The following DMTN variants were observed in gnomAD, a reference collection of about 807,000 sequenced individuals.
The protein encoded by DMTN is dematin.
Under a neutral mutation model 59.4 loss-of-function variants are expected in DMTN, and 27 were observed. The ratio of observed to expected loss-of-function variants is 0.45; its 90% CI spans 0.33 to 0.63. DMTN has a LOEUF of 0.63. Ranked by LOEUF, DMTN falls within the 20% of genes least tolerant of loss-of-function variation. The probability of loss-of-function intolerance (pLI) is 0.02; values close to 1 mark genes in which losing one functional copy is unlikely to be tolerated. For synonymous variants in DMTN, 221 were observed against 203.7 expected (o/e 1.08, Z -0.72); for missense variants, 451 against 528.9 (o/e 0.85, Z 1.45).
At position 22,069,449 on chromosome 8, in the gene DMTN, A is replaced by C. The variant is rs780947354; in HGVS notation, c.325A>C (p.Ile109Leu). 5 of 1,613,038 alleles carry C rather than the reference A, an allele frequency of 3.1e-6. No homozygotes were observed. Among genetic ancestry groups the C allele is most frequent in the Non-Finnish European group, 4.2e-6 (5 of 1,179,452 alleles). Residue 109 changes from isoleucine to leucine, a missense_variant, in exon 6 of 16, where the codon ATC becomes CTC. Ile to Leu is a conservative substitution (Grantham distance 5). Transcript: ENST00000358242. Reference protein sequence around the residue: ...VWADSRSPGIISQASAPRTTG... With the variant: ...VWADSRSPGILSQASAPRTTG... ...GGCGGACAGCCGGTCGCCTGGAATCATCTCTCAGGCCTCGGCCCCCAGAAC... is the reference window on the plus strand; with the variant it reads ...GGCGGACAGCCGGTCGCCTGGAATCCTCTCTCAGGCCTCGGCCCCCAGAAC...
At chr8:22,069,320 C>A in intron 5 of DMTN, 99 bp from the exon 6 acceptor site, 1 of 1,103,434 alleles carries the variant, frequency 9.1e-7, no homozygotes. Context: ...ATGCAGCCGG[C>A]CAGGATGGGA....
At chr8:22,074,846 G>A (rs987409201) in intron 10 of DMTN, among the ~76,000 whole-genome samples, 1 of 152,094 alleles carries the variant, frequency 6.6e-6, no homozygotes. Context: ...CGGCTGGAGA[G>A]GAGAGGAAGA....
At chr8:22,065,823 A>G (rs1173831036) in intron 1 of DMTN, among the ~76,000 whole-genome samples, 1 of 121,480 alleles carries the variant, frequency 8.2e-6, no homozygotes, top group Non-Finnish European at 1.7e-5. Context: ...CGACAGAGCA[A>G]GACCTTTTTT....
intron 10 of DMTN, among the ~76,000 whole-genome samples, chr8:22,075,244 G>A (rs1285411112): frequency 6.6e-6 from 1 of 150,442 alleles, no homozygotes; most frequent in Non-Finnish European, 1.5e-5. Flanking sequence ...CTTCTTCATT[G>A]TAGCTGCCAG....
chr8:22,067,187 C>A (rs1402327097), intron 3 of DMTN, 28 bp downstream of exon 3: 3 of 1,605,662 alleles, frequency 1.9e-6, no homozygotes, highest in South Asian at 2.2e-5. Context: ...CCACCAGCAA[C>A]CCCTGGCTGG....
At chr8:22,051,083 C>T (rs1033705314), upstream of DMTN, among the ~76,000 whole-genome samples, 1 of 152,132 alleles carries the variant, frequency 6.6e-6, no homozygotes, top group Non-Finnish European at 1.5e-5. Flanking sequence ...TGCCTCTGAG[C>T]GCCTGGGTCT....
In DMTN at chr8:22,069,037, A is replaced by G. The variant is rs1813020508; in HGVS notation, c.271A>G (p.Thr91Ala). ...SRERSLSPKS[T>A]SPPPSPEVWA... is the part of the protein sequence containing the mutation. ...ACAGCGCTCGCTGTCACCCAAATCC[A>G]CATCCCCCCCACCATCCCCAGAGGT... Residue 91 changes from threonine to alanine, a missense_variant, in exon 5 of 16, where the codon ACA (threonine) becomes GCA (alanine). Physicochemically the swap from Thr to Ala is moderately conservative, Grantham distance 58. Coordinates refer to ENST00000358242, the MANE Select transcript of DMTN (RefSeq NM_001387751.1). 1.9e-6 allele frequency: 3 copies of G among 1,611,710 alleles called. No individual in the cohort carries two copies. The highest frequency in any genetic ancestry group is 2.2e-5 in the South Asian group (2 of 90,846).
intron 10 of DMTN, among the ~76,000 whole-genome samples, chr8:22,079,255 A>AAATAAATAAATAAAT (rs1355039436): frequency 3.0e-4 from 25 of 83,432 alleles, no homozygotes; most frequent in Middle Eastern, 6.3e-3. Context: ...ACAAAAAATA[A>AAATAAATAAATAAAT]AAATAAATAA....
Position 22,058,774 on chromosome 8 carries a change from G to A in DMTN, c.-172+1638G>A, listed in dbSNP as rs184627836. Among the ~76,000 whole-genome samples, 742 of 152,328 alleles carry A rather than the reference G, an allele frequency of 4.9e-3. 2 individuals are homozygous for A. The highest frequency in any genetic ancestry group is 7.6e-3 in the Non-Finnish European group (517 of 68,026). ...AAAAAACATTGGAGTAGGGGAGAGGGAGAAAGTGGGAGAAGAGGAGGGAGT... is the reference window on the plus strand; with the variant it reads ...AAAAAACATTGGAGTAGGGGAGAGGAAGAAAGTGGGAGAAGAGGAGGGAGT... On this transcript the variant is annotated intron_variant, in intron 1 of 15. Coordinates refer to ENST00000358242, the MANE Select transcript of DMTN (RefSeq NM_001387751.1). This position sits in a 1 kb window ranked among gnomAD's most constrained non-coding sequence, Gnocchi z 4.3.
intron 10 of DMTN, among the ~76,000 whole-genome samples, chr8:22,074,226 A>G (rs1343212447): frequency 6.6e-6 from 1 of 152,158 alleles, no homozygotes; most frequent in Non-Finnish European, 1.5e-5. Context: ...GCACAGCAAC[A>G]GGGCCTGGGA....
At position 22,070,237 on chromosome 8, in the gene DMTN, G is replaced by A; in HGVS notation, c.507G>A (p.Glu169=). Residue 169 remains glutamate (E), a synonymous_variant, in exon 8 of 16, where the codon GAG becomes GAA. Coordinates refer to ENST00000358242, the MANE Select transcript of DMTN (RefSeq NM_001387751.1). ...TKHLIEDLII[E]SSKFPAAQPP... ...ACCTCATCGAGGATCTCATCATCGA[G>A]TCATCCAAGTTTCCTGCAGCCCAGC... is the stretch of plus-strand genomic sequence containing the variant. 1 of 1,612,574 alleles carries A rather than the reference G, an allele frequency of 6.2e-7. No homozygotes were observed. The highest frequency in any genetic ancestry group is 8.5e-7 in the Non-Finnish European group (1 of 1,179,266).
At chr8:22,051,349 A>G (rs1872222), upstream of DMTN, among the ~76,000 whole-genome samples, 148,562 of 152,218 alleles carry the variant, frequency 0.98, 72,601 homozygotes, top group East Asian at 1. Context: ...CAAGCAGGTC[A>G]TCAGAGGGGG....
At position 22,066,868 on chromosome 8, in the gene DMTN, C is replaced by A. The variant is rs937939794; in HGVS notation, c.-8C>A. On this transcript the variant is annotated 5_prime_UTR_variant, in exon 2 of 16. Coordinates refer to ENST00000358242, the MANE Select transcript of DMTN (RefSeq NM_001387751.1). ...TGCGAGTGACCCGGCGGGCGAGCTC[C>A]GTGCTGCATGGAACGGCTGCAGAAG... 3 of 1,379,334 alleles carry A rather than the reference C, an allele frequency of 2.2e-6. No homozygotes were observed. The highest frequency in any genetic ancestry group is 6.2e-5 in the East Asian group (2 of 32,034). The allele number at this position is 1,379,334 out of a possible 1,614,324, so 85.4% of individuals were successfully genotyped here.
chr8:22,049,747 A>T (rs1332373271), upstream of DMTN, among the ~76,000 whole-genome samples: 1 of 151,868 alleles, frequency 6.6e-6, no homozygotes, highest in Non-Finnish European at 1.5e-5. Context: ...TCTTCTGAGG[A>T]TGTACCCCTT....
intron 8 of DMTN, among the ~76,000 whole-genome samples, chr8:22,070,860 ACT>A (rs1814797117): frequency 6.6e-6 from 1 of 151,680 alleles, no homozygotes; most frequent in African/African-American, 2.4e-5. Flanking sequence ...CCATCATCCC[ACT>A]CTCTACATCC....
intron 13 of DMTN, 66 bp downstream of exon 13, chr8:22,080,691 A>G: frequency 9.5e-6 from 15 of 1,584,444 alleles, no homozygotes; most frequent in Non-Finnish European, 1.2e-5. Context: ...CGAAAGTGTC[A>G]GGGGAAGGGG....
At chr8:22,053,422 C>T (rs992960906), upstream of DMTN, 3 of 152,280 alleles carry the variant, frequency 2.0e-5, no homozygotes, top group Admixed American at 6.5e-5. Flanking sequence ...TTCTTCAGGT[C>T]TCTGTCACCC....
At chr8:22,066,646 C>A in intron 1 of DMTN, 59 bp from the exon 2 acceptor site, 2 of 367,072 alleles carry the variant, frequency 5.4e-6, no homozygotes, top group Non-Finnish European at 9.6e-6. Flanking sequence ...AGCGGCCGCC[C>A]GCGGAGGCCC....
At chr8:22,061,886 T>G (rs1806831205) in intron 1 of DMTN, among the ~76,000 whole-genome samples, 4 of 151,188 alleles carry the variant, frequency 2.6e-5, no homozygotes, top group African/African-American at 9.8e-5. Flanking sequence ...CCCAAGTAGC[T>G]GGGACCACAG....
Sources: gnomAD v4.1 joint callset for allele counts (sites outside exome capture counted in the v4.1 genomes callset) on GRCh38, gnomAD v4.1.1 for gene constraint, Gnocchi (gnomAD v3.1) non-coding constraint, MANE v1.5 for transcripts, NCBI Gene and HGNC (gene_info 2026-07-23, HGNC 2026-07-21) for gene names.